The following ARHGAP29 variants were observed in gnomAD, a reference collection of about 807,000 sequenced individuals.
ARHGAP29 encodes rho GTPase-activating protein 29.
ARHGAP29 carries 43 observed loss-of-function variants against 122.6 expected under a neutral mutation model. That is an observed-to-expected ratio of 0.35 (90% CI 0.27 to 0.45). The LOEUF (loss-of-function observed/expected upper bound fraction) is 0.45. ARHGAP29 is among the 20% of genes least tolerant of loss of function. The pLI is 1.00. For missense variants in ARHGAP29, 1,303 were observed against 1,477.2 expected, an observed-to-expected ratio of 0.88 and a Z score of 1.93; for synonymous variants, 506 against 497.1, an observed-to-expected ratio of 1.02 and a Z score of -0.24.
At chr1:94,210,005 A>T (rs1222628499) in intron 3 of ARHGAP29, among the ~76,000 whole-genome samples, 1 of 152,222 alleles carries the variant, frequency 6.6e-6, no homozygotes, top group East Asian at 1.9e-4. Context: ...CAATAGAGAT[A>T]TTCTAATATT....
chr1:94,193,874 A>G (rs899365983), intron 12 of ARHGAP29: 3 of 152,192 alleles, frequency 2.0e-5, no homozygotes, highest in Admixed American at 6.5e-5. Context: ...ATAGTAAATA[A>G]TAGACTACTT....
At chr1:94,266,423 A>G (rs1444425781) in intron 1 of ARHGAP29, among the ~76,000 whole-genome samples, 2 of 152,154 alleles carry the variant, frequency 1.3e-5, no homozygotes, top group Admixed American at 6.5e-5. Flanking sequence ...GGAGCTTTGA[A>G]TGGAGTTCTG....
rs144585524 is a variant in ARHGAP29, at chr1:94,174,051, C to T, written c.3604G>A (p.Val1202Met). The change falls in exon 23 of 23, where the codon GTG becomes ATG. Residue 1202 changes from valine to methionine, a missense_variant. By Grantham distance (21) the Val-to-Met change is conservative. Transcript: ENST00000260526. ...TCTGGGTCTGGCATTGACTTCACCA[C>T]GAGACCGTGGGGATCGTGATCTGTG... is the stretch of plus-strand genomic sequence containing the variant. ...PGTDHDPHGL[V>M]VKSMPDPDKA... 1.2e-4 allele frequency: 192 copies of T among 1,614,198 alleles called. No homozygotes were observed. Among genetic ancestry groups the T allele is most frequent in the Non-Finnish European group, 1.4e-4 (169 of 1,180,028 alleles).
At chr1:94,219,016 C>T (rs1652119181) in intron 3 of ARHGAP29, among the ~76,000 whole-genome samples, 1 of 152,046 alleles carries the variant, frequency 6.6e-6, no homozygotes, top group Admixed American at 6.5e-5. Context: ...CGACTCAGGA[C>T]CGGCAATCCC....
At chr1:94,311,574 T>A in the ARHGAP29 span, among the ~76,000 whole-genome samples, 14 of 152,174 alleles carry the variant, frequency 9.2e-5, no homozygotes, top group African/African-American at 3.4e-4. Flanking sequence ...TGGTGCTTAA[T>A]CTTAAAGACC....
chr1:94,245,801 G>C (rs758251708), intron 1 of ARHGAP29, among the ~76,000 whole-genome samples: 1 of 152,166 alleles, frequency 6.6e-6, no homozygotes, highest in African/African-American at 2.4e-5. Context: ...GAATGAATAA[G>C]TGACACGAGA....
intron 12 of ARHGAP29, 101 bp from the exon 13 acceptor site, chr1:94,190,184 G>A (rs979260617): frequency 2.4e-6 from 3 of 1,239,416 alleles, no homozygotes; most frequent in Non-Finnish European, 3.4e-6. Flanking sequence ...ATGCCATACA[G>A]TGAAGCATAC....
chr1:94,242,945 A>C (rs547830989), intron 1 of ARHGAP29, among the ~76,000 whole-genome samples: 1 of 152,264 alleles, frequency 6.6e-6, no homozygotes, highest in South Asian at 2.1e-4. Context: ...GAATTTTACC[A>C]AGGATAAAAA....
rs749497336 is a variant in ARHGAP29 at position 94,202,554 on chromosome 1, G to A, written c.1133C>T (p.Ala378Val). Residue 378 changes from alanine (A) to valine (V), a missense_variant, in exon 11 of 23, where the codon GCT (alanine) becomes GTT (valine). Physicochemically the swap from Ala to Val is moderately conservative, Grantham distance 64 (BLOSUM62 0). Around this residue, in one of 3 missense-constraint regions of ARHGAP29, gnomAD observed 592 missense variants for 648.2 expected, o/e 0.91. Transcript: ENST00000260526. The part of the protein sequence containing the change: ...LEKKRRLEEE[A>V]LQKVEEANEL... ...GAAAAAGATCGTTACTTTTTGGAGAGCCTCCTCTTCCAACCTTCGCTTTTT... is the reference window on the plus strand; with the variant it reads ...GAAAAAGATCGTTACTTTTTGGAGAACCTCCTCTTCCAACCTTCGCTTTTT... 6.2e-6 allele frequency: 10 copies of A among 1,613,756 alleles called. No individual in the cohort carries two copies. The South Asian group carries it at 9.9e-5, about 16-fold the overall frequency.
chr1:94,268,100 C>T (rs1654844366), intron 1 of ARHGAP29, among the ~76,000 whole-genome samples: 1 of 152,014 alleles, frequency 6.6e-6, no homozygotes, highest in Non-Finnish European at 1.5e-5. Flanking sequence ...CTGTTTAATA[C>T]ATTTATTTTT....
At chr1:94,280,637 A>G in the ARHGAP29 span, among the ~76,000 whole-genome samples, 1 of 152,188 alleles carries the variant, frequency 6.6e-6, no homozygotes, top group Non-Finnish European at 1.5e-5. Flanking sequence ...GCAATAATTT[A>G]TTGAATGAAT....
At chr1:94,275,645 G>A (rs12038323), upstream of ARHGAP29, among the ~76,000 whole-genome samples, 26 of 152,232 alleles carry the variant, frequency 1.7e-4, no homozygotes, top group East Asian at 3.9e-3. Context: ...TAGCCCCAGC[G>A]TTGGTTTAAA....
rs1323737884 is a variant in ARHGAP29 at position 94,184,170 on chromosome 1, A to C, written c.2228T>G (p.Leu743Trp). 1 of 1,607,290 alleles carries C rather than the reference A, an allele frequency of 6.2e-7. No individual in the cohort carries two copies. Among genetic ancestry groups the C allele is most frequent in the Non-Finnish European group, 8.5e-7 (1 of 1,178,200 alleles). Residue 743 changes from leucine to tryptophan, a missense_variant, in exon 19 of 23, where the codon TTG becomes TGG. This residue lies in a region of ARHGAP29 where 620 missense variants were observed against 651.2 expected (regional missense o/e 0.95). Transcript: ENST00000260526. Reference protein sequence around the residue: ...EFSSHDICDVLKLYLRQLPEP... With the variant: ...EFSSHDICDVWKLYLRQLPEP... ...TTTTACCTGCCGAAGGTATAATTTC[A>C]AGACGTCACAGATATCATGTGAACT...
intron 8 of ARHGAP29, 116 bp downstream of exon 8, chr1:94,203,814 A>G (rs1651017751): frequency 1.3e-6 from 1 of 795,944 alleles, no homozygotes; most frequent in South Asian, 1.8e-5. Flanking sequence ...TGTCAATAAA[A>G]AGATCAGCAT....
Position 94,173,692 on chromosome 1 carries a change from T to C in ARHGAP29, c.*177A>G. 1.5e-6 allele frequency: 1 copy of C among 686,984 alleles called. No individual in the cohort carries two copies. Among genetic ancestry groups the C allele is most frequent in the Non-Finnish European group, 2.3e-6 (1 of 429,466 alleles). The allele number at this position is 686,984 out of a possible 1,614,324, so 42.6% of individuals were successfully genotyped here. Reference sequence around the variant, plus strand: ...CCAGTGAGGCACAAATGTGACCCTATCAAAACATTCTACCATTCAGTATTA... The same window carrying C: ...CCAGTGAGGCACAAATGTGACCCTACCAAAACATTCTACCATTCAGTATTA... On this transcript the variant is annotated 3_prime_UTR_variant, in exon 23 of 23. Transcript: ENST00000260526.
intron 12 of ARHGAP29, among the ~76,000 whole-genome samples, chr1:94,197,167 C>T (rs1481041581): frequency 1.3e-5 from 2 of 151,792 alleles, no homozygotes; most frequent in Admixed American, 6.6e-5. Context: ...TTACCAGTAT[C>T]GGGAATGAAA....
the ARHGAP29 span, among the ~76,000 whole-genome samples, chr1:94,284,973 T>G: frequency 6.6e-6 from 1 of 152,216 alleles, no homozygotes; most frequent in Non-Finnish European, 1.5e-5. Flanking sequence ...AAACACTCTT[T>G]TTACACTGAA....
intron 12 of ARHGAP29, among the ~76,000 whole-genome samples, chr1:94,198,494 C>A (rs1167107494): frequency 6.6e-6 from 1 of 151,786 alleles, no homozygotes; most frequent in African/African-American, 2.4e-5. Context: ...AAACAAAAAA[C>A]CCCCCAAACC....
chr1:94,269,613 A>G (rs1043845122), intron 1 of ARHGAP29, among the ~76,000 whole-genome samples: 26 of 152,112 alleles, frequency 1.7e-4, no homozygotes, highest in African/African-American at 6.0e-4. Flanking sequence ...TAAGGAAAAG[A>G]CAGTTTACAG....
Sources: allele counts gnomAD v4.1 joint callset (sites outside exome capture counted in the v4.1 genomes callset), GRCh38; gene constraint gnomAD v4.1.1; regional missense constraint gnomAD v4.1.1; transcripts MANE v1.5; gene names NCBI Gene and HGNC (gene_info 2026-07-23, HGNC 2026-07-21).